The following RNF144A variants were observed in gnomAD, a reference collection of about 807,000 sequenced individuals.
RNF144A encodes the protein E3 ubiquitin-protein ligase RNF144A.
RNF144A carries 11 observed loss-of-function variants against 38.7 expected under a neutral mutation model. The observed-to-expected ratio is 0.28, with a 90% CI of 0.18 to 0.47. The LOEUF (loss-of-function observed/expected upper bound fraction) is 0.47, where lower values mean the gene tolerates loss of function less well. RNF144A is among the 20% of genes least tolerant of loss of function. The probability of loss-of-function intolerance (pLI) is 0.99; values close to 1 mark genes in which losing one functional copy is unlikely to be tolerated. For synonymous variants in RNF144A, 149 were observed against 143.9 expected (o/e 1.04, Z -0.25); for missense variants, 316 against 377.2 (o/e 0.84, Z 1.34).
chr2:6,941,162 G>A lies in RNF144A; in HGVS notation c.-12+15G>A, dbSNP rs985507314. On this transcript the variant is annotated intron_variant, in intron 2 of 8. Coordinates refer to ENST00000320892, the MANE Select transcript of RNF144A (RefSeq NM_014746.6). This position sits in a 1 kb window ranked among gnomAD's most constrained non-coding sequence, Gnocchi z 6.5. ...ATTTCTCAGAGGTAACTTTGAATTC[G>A]GAAAATGAAGGCTTCCCAACGTTCA... 3.0e-4 allele frequency: 45 copies of A among 152,122 alleles called. 1 individual carries two copies. The highest frequency in any genetic ancestry group is 4.8e-5 in the African/African-American group (2 of 41,424). The allele number at this position is 152,122 out of a possible 1,614,324, so 9.4% of individuals were successfully genotyped here. A position where few individuals can be genotyped will look rare whatever the true frequency, so the allele number is the denominator to read the frequency against.
chr2:7,000,902 T>G (rs749565287), intron 3 of RNF144A, among the ~76,000 whole-genome samples: 5 of 151,480 alleles, frequency 3.3e-5, no homozygotes, highest in Non-Finnish European at 7.4e-5. Flanking sequence ...GAGTTAGAAT[T>G]AAATCTATTT....
At chr2:7,053,731 G>T (rs1673617147) in intron 6 of RNF144A, among the ~76,000 whole-genome samples, 1 of 152,244 alleles carries the variant, frequency 6.6e-6, no homozygotes, top group Non-Finnish European at 1.5e-5. Context: ...ACATGGATAT[G>T]CTTTGGTTAA....
rs987911519 is a variant in RNF144A at position 7,043,169 on chromosome 2, A to G, written c.*3409A>G. ...AGGCCTGAGCCACCCCACCCGGCCT[A>G]TTTTCTTAAAGGGGAACAAATGATC... On this transcript the variant is annotated 3_prime_UTR_variant, in exon 9 of 9. Transcript: ENST00000320892. 53 of 985,162 alleles carry G rather than the reference A, an allele frequency of 5.4e-5. No individual in the cohort carries two copies. The highest frequency in any genetic ancestry group is 5.9e-5 in the Non-Finnish European group (49 of 829,872). 61.0% of individuals were successfully genotyped at this position (985,162 alleles called of 1,614,324 possible).
At chr2:6,961,817 T>C (rs1667363045) in intron 2 of RNF144A, among the ~76,000 whole-genome samples, 1 of 152,234 alleles carries the variant, frequency 6.6e-6, no homozygotes, top group Non-Finnish European at 1.5e-5. Context: ...GGAAATGCTG[T>C]GTTTTCTTGG....
At chr2:7,019,176 C>G (rs545854669) in intron 5 of RNF144A, among the ~76,000 whole-genome samples, 1 of 152,324 alleles carries the variant, frequency 6.6e-6, no homozygotes, top group Non-Finnish European at 1.5e-5. Context: ...CTAGACCCTA[C>G]ACAAGATGGT....
chr2:6,918,066 T>A (rs548299482), intron 1 of RNF144A, among the ~76,000 whole-genome samples: 1 of 152,098 alleles, frequency 6.6e-6, no homozygotes, highest in East Asian at 2.0e-4. Context: ...CCGCAGACCC[T>A]GGGGCTGGAG....
intron 1 of RNF144A, among the ~76,000 whole-genome samples, chr2:6,924,466 A>G (rs1003402528): frequency 1.3e-5 from 2 of 152,126 alleles, no homozygotes; most frequent in Non-Finnish European, 2.9e-5. Flanking sequence ...TGGAAATGGG[A>G]CTCAGCATAG....
intron 6 of RNF144A, among the ~76,000 whole-genome samples, chr2:7,058,856 A>G (rs908659001): frequency 7.2e-5 from 11 of 151,760 alleles, no homozygotes; most frequent in South Asian, 2.1e-4. Flanking sequence ...AGCACCCCAC[A>G]TTTTGCATTT....
chr2:6,928,779 G>A (rs1161188311), intron 1 of RNF144A, among the ~76,000 whole-genome samples: 1 of 152,172 alleles, frequency 6.6e-6, no homozygotes, highest in Non-Finnish European at 1.5e-5. Context: ...GACACCCTCT[G>A]TGGTCGAGGG....
chr2:6,952,461 G>A, intron 2 of RNF144A, among the ~76,000 whole-genome samples: 1 of 149,812 alleles, frequency 6.7e-6, no homozygotes, highest in East Asian at 2.0e-4. Flanking sequence ...ATCTGCTCTT[G>A]AAATTTTGGT....
In RNF144A at chr2:6,958,576, G is replaced by C. The variant is rs1667146680; in HGVS notation, c.-12+17429G>C. 6.6e-6 allele frequency among the ~76,000 whole-genome samples: 1 copy of C among 152,006 alleles called. No homozygotes were observed. Among genetic ancestry groups the C allele is most frequent in the African/African-American group, 2.4e-5 (1 of 41,290 alleles). On this transcript the variant is annotated intron_variant, in intron 2 of 8. Transcript: ENST00000320892. The surrounding 1 kb of genome is among the most constrained non-coding windows in gnomAD (Gnocchi z 4.5). ...AATGTTGGGCTGTGACTAGCACCTT[G>C]AGCTAACTCAGTAGCCTCTCTCCTA...
intron 2 of RNF144A, among the ~76,000 whole-genome samples, chr2:6,955,192 C>T (rs918800519): frequency 1.3e-5 from 2 of 152,170 alleles, no homozygotes; most frequent in Non-Finnish European, 2.9e-5. Context: ...TCATAGGGAT[C>T]ATGCAGTACA....
At chr2:6,921,037 G>C (rs1664507520) in intron 1 of RNF144A, among the ~76,000 whole-genome samples, 2 of 152,168 alleles carry the variant, frequency 1.3e-5, no homozygotes. Context: ...AAATATTACA[G>C]GACGACTCAC....
chr2:6,984,296 TTTTTC>T (rs1034031613), intron 2 of RNF144A, among the ~76,000 whole-genome samples: 4 of 152,102 alleles, frequency 2.6e-5, no homozygotes, highest in Non-Finnish European at 5.9e-5. Flanking sequence ...CCAAGTTTCT[TTTTTC>T]TTTTCTTTTT....
chr2:6,966,487 C>T (rs1015829715), intron 2 of RNF144A, among the ~76,000 whole-genome samples: 3 of 152,220 alleles, frequency 2.0e-5, no homozygotes, highest in Admixed American at 6.5e-5. Flanking sequence ...CTTCCCAGAA[C>T]CTGAAAAGTC....
intron 5 of RNF144A, among the ~76,000 whole-genome samples, chr2:7,020,070 A>G (rs1198928614): frequency 6.6e-6 from 1 of 152,008 alleles, no homozygotes; most frequent in African/African-American, 2.4e-5. Flanking sequence ...ACTGTCCCCT[A>G]GGGGAGGCAG....
intron 2 of RNF144A, among the ~76,000 whole-genome samples, chr2:6,991,692 G>A (rs1451370064): frequency 1.3e-5 from 2 of 152,138 alleles, no homozygotes; most frequent in East Asian, 1.9e-4. Context: ...GAGTCATTGT[G>A]CAGAGAAATG....
intron 7 of RNF144A, among the ~76,000 whole-genome samples, chr2:7,025,902 T>G (rs1390938019): frequency 6.6e-6 from 1 of 152,172 alleles, no homozygotes; most frequent in Non-Finnish European, 1.5e-5. Flanking sequence ...GGGCGGACAG[T>G]CAGAGCAAGT....
In RNF144A at chr2:6,944,185, G is replaced by A. The variant is rs547758772; in HGVS notation, c.-12+3038G>A. Among the ~76,000 whole-genome samples, 4 of 152,228 alleles carry A rather than the reference G, an allele frequency of 2.6e-5. No homozygotes were observed. The highest frequency in any genetic ancestry group is 4.4e-5 in the Non-Finnish European group (3 of 68,002). On this transcript the variant is annotated intron_variant, in intron 2 of 8. Coordinates refer to ENST00000320892, the MANE Select transcript of RNF144A (RefSeq NM_014746.6). The surrounding 1 kb of genome is among the most constrained non-coding windows in gnomAD (Gnocchi z 4.7). ...GCAGAGGAGGAGCCATTGGAGATGCGGGAGGAGGCCGGGCACTATGGGCCT... is the reference window on the plus strand; with the variant it reads ...GCAGAGGAGGAGCCATTGGAGATGCAGGAGGAGGCCGGGCACTATGGGCCT...
Sources: allele counts gnomAD v4.1 joint callset (sites outside exome capture counted in the v4.1 genomes callset), GRCh38; gene constraint gnomAD v4.1.1; non-coding constraint Gnocchi (gnomAD v3.1); transcripts MANE v1.5; gene names NCBI Gene and HGNC (gene_info 2026-07-23, HGNC 2026-07-21).